The following CADM2 variants were observed in gnomAD, a reference collection of about 807,000 sequenced individuals.
CADM2 encodes the protein cell adhesion molecule 2.
A neutral mutation model predicts 49.8 loss-of-function variants in CADM2; 12 were observed. The observed-to-expected ratio is 0.24, with a 90% CI of 0.15 to 0.39. CADM2 has a LOEUF of 0.39. Among genes scored for constraint, CADM2 ranks in the 10% least tolerant of loss-of-function variants. The pLI is 1.00. For missense variants in CADM2, 378 were observed against 492.3 expected (o/e 0.77, Z 2.20); for synonymous variants, 214 against 175.4 (o/e 1.22, Z -1.74).
At chr3:84,963,878 GA>G (rs1333706258) in intron 1 of CADM2, among the ~76,000 whole-genome samples, 1 of 151,604 alleles carries the variant, frequency 6.6e-6, no homozygotes, top group African/African-American at 2.4e-5. Context: ...TGCAGTTCTT[GA>G]AATACAGTTT....
chr3:85,276,179 A>G (rs1361139040), intron 1 of CADM2, among the ~76,000 whole-genome samples: 4 of 151,296 alleles, frequency 2.6e-5, no homozygotes, highest in Non-Finnish European at 5.9e-5. Flanking sequence ...ATTAATACAC[A>G]CAAAGATACA....
intron 1 of CADM2, among the ~76,000 whole-genome samples, chr3:85,137,018 C>T (rs1286877169): frequency 1.3e-5 from 2 of 151,792 alleles, no homozygotes; most frequent in Non-Finnish European, 3.0e-5. Flanking sequence ...AGATATTTTT[C>T]CTTCAAAAAT....
At chr3:85,489,750 G>C (rs1167582300) in intron 1 of CADM2, among the ~76,000 whole-genome samples, 1 of 150,198 alleles carries the variant, frequency 6.7e-6, no homozygotes, top group Admixed American at 6.7e-5. Flanking sequence ...TAACGTGTGT[G>C]TGTGTGTGAG....
intron 1 of CADM2, among the ~76,000 whole-genome samples, chr3:85,162,424 G>A (rs2040355790): frequency 1.3e-5 from 2 of 152,108 alleles, no homozygotes; most frequent in Admixed American, 1.3e-4. Flanking sequence ...TTTTTGGTAG[G>A]TTTGGATAGG....
chr3:85,002,874 C>G (rs1038293872), intron 1 of CADM2, among the ~76,000 whole-genome samples: 1 of 152,138 alleles, frequency 6.6e-6, no homozygotes, highest in Non-Finnish European at 1.5e-5. Flanking sequence ...TAGCCTTGAA[C>G]TCTTGGGTTC....
intron 1 of CADM2, among the ~76,000 whole-genome samples, chr3:85,203,720 T>G (rs1250869981): frequency 6.6e-6 from 1 of 152,204 alleles, no homozygotes; most frequent in Admixed American, 6.5e-5. Flanking sequence ...TAAAGCAAAG[T>G]GCAGTAAACA....
intron 4 of CADM2, among the ~76,000 whole-genome samples, chr3:85,885,416 T>C (rs1372564482): frequency 6.6e-6 from 1 of 151,716 alleles, no homozygotes; most frequent in African/African-American, 2.4e-5. Flanking sequence ...CTCATGCCTG[T>C]AATCCCAGCA....
chr3:85,212,884 T>TTCTGTCTCTCTCTCTCTCTC (rs1674944199), intron 1 of CADM2, among the ~76,000 whole-genome samples: 1 of 78,610 alleles, frequency 1.3e-5, no homozygotes, highest in Non-Finnish European at 2.6e-5. Context: ...CTTTCTTTCT[T>TTCTGTCTCTCTCTCTCTCTC]TCTCTTTCTT....
At chr3:86,036,192 A>G (rs1735133234) in intron 8 of CADM2, among the ~76,000 whole-genome samples, 1 of 152,124 alleles carries the variant, frequency 6.6e-6, no homozygotes, top group South Asian at 2.1e-4. Context: ...TATTAAGTCT[A>G]TGCCCACAGG....
chr3:85,779,817 T>G (rs1332064261), intron 2 of CADM2, among the ~76,000 whole-genome samples: 1 of 152,184 alleles, frequency 6.6e-6, no homozygotes, highest in Non-Finnish European at 1.5e-5. Context: ...AAGATTATTA[T>G]TCAATGAAAA....
At chr3:85,669,125 C>A (rs2107629042) in intron 1 of CADM2, among the ~76,000 whole-genome samples, 1 of 152,104 alleles carries the variant, frequency 6.6e-6, no homozygotes, top group Non-Finnish European at 1.5e-5. Flanking sequence ...CTTCATTTCC[C>A]ATCATTTTAT....
At chr3:85,745,603 C>T (rs142491168) in intron 2 of CADM2, among the ~76,000 whole-genome samples, 6 of 152,192 alleles carry the variant, frequency 3.9e-5, no homozygotes, top group Non-Finnish European at 7.4e-5. Context: ...TGGTGGCTCA[C>T]GCCGGTAATC....
At chr3:85,467,547 A>G (rs2038552468) in intron 1 of CADM2, among the ~76,000 whole-genome samples, 1 of 152,186 alleles carries the variant, frequency 6.6e-6, no homozygotes, top group Admixed American at 6.5e-5. Context: ...TTGAGAAATG[A>G]TAGAGACGTC....
intron 1 of CADM2, among the ~76,000 whole-genome samples, chr3:85,085,296 G>C (rs982868609): frequency 6.6e-6 from 1 of 152,060 alleles, no homozygotes; most frequent in African/African-American, 2.4e-5. Context: ...CCACATGTAA[G>C]TGAGATCAGG....
rs1179967499 is a variant in CADM2 at position 85,034,790 on chromosome 3, C to CTTTTTTTTTTTTTTTTTTT, written c.61+75128_61+75146dup. ...TATCTTTTAGATAAAAGACATTTTG[C>CTTTTTTTTTTTTTTTTTTT]TTTTTTTTTTTTTTTTTTTTTTTTA... On this transcript the variant is annotated intron_variant, in intron 1 of 9. Coordinates refer to ENST00000383699, the MANE Select transcript of CADM2 (RefSeq NM_001167675.2). 3.5e-4 allele frequency among the ~76,000 whole-genome samples: 29 copies of CTTTTTTTTTTTTTTTTTTT among 84,054 alleles called. 1 individual carries two copies. Among genetic ancestry groups the CTTTTTTTTTTTTTTTTTTT allele is most frequent in the Admixed American group, 1.3e-3 (8 of 6,148 alleles). 55.1% of individuals were successfully genotyped at this position (84,054 alleles called of 152,430 possible). A position where few individuals can be genotyped will look rare whatever the true frequency, so the allele number is the denominator to read the frequency against.
intron 1 of CADM2, among the ~76,000 whole-genome samples, chr3:85,415,182 A>G (rs2035858085): frequency 6.6e-6 from 1 of 152,158 alleles, no homozygotes; most frequent in Non-Finnish European, 1.5e-5. Context: ...CAGAAAATAC[A>G]GAAAGACATA....
intron 3 of CADM2, among the ~76,000 whole-genome samples, chr3:85,878,842 GAGAATTGTAAGCTCT>G (rs1489365950): frequency 6.6e-6 from 1 of 152,054 alleles, no homozygotes; most frequent in Non-Finnish European, 1.5e-5. Context: ...TGGATTCACT[GAGAATTGTAAGCTCT>G]GTCTGTGTCA....
chr3:85,204,231 A>T (rs1309503197), intron 1 of CADM2, among the ~76,000 whole-genome samples: 1 of 152,180 alleles, frequency 6.6e-6, no homozygotes, highest in African/African-American at 2.4e-5. Context: ...CAGATATTTT[A>T]ATCAGTTTAA....
At chr3:85,890,260 T>G (rs1277464909) in intron 5 of CADM2, among the ~76,000 whole-genome samples, 2 of 152,086 alleles carry the variant, frequency 1.3e-5, no homozygotes, top group Non-Finnish European at 1.5e-5. Flanking sequence ...GAGAGTTTGA[T>G]TAGCTCTCAG....
Sources: gnomAD v4.1 joint callset for allele counts (sites outside exome capture counted in the v4.1 genomes callset) on GRCh38, gnomAD v4.1.1 for gene constraint, MANE v1.5 for transcripts, NCBI Gene and HGNC (gene_info 2026-07-23, HGNC 2026-07-21) for gene names.